The following SUSD4 variants were observed in gnomAD, a reference collection of about 807,000 sequenced individuals.
SUSD4 encodes sushi domain containing 4.
A neutral mutation model predicts 50.5 loss-of-function variants in SUSD4; 41 were observed. That is an observed-to-expected ratio of 0.81 (90% confidence interval 0.63 to 1.05). The LOEUF is 1.05. Among genes scored for constraint, SUSD4 ranks in the 50% least tolerant of loss-of-function variants. The pLI is 0.00. For missense variants in SUSD4, 580 were observed against 634.7 expected, an observed-to-expected ratio of 0.91 and a Z score of 0.93; for synonymous variants, 257 against 257.3, an observed-to-expected ratio of 1.00 and a Z score of 0.01.
chr1:223,286,769 C>A (rs1481750694), intron 3 of SUSD4, among the ~76,000 whole-genome samples: 3 of 152,186 alleles, frequency 2.0e-5, no homozygotes, highest in African/African-American at 7.2e-5. Context: ...CTGGGGCTGG[C>A]CATCAGATGT....
At chr1:223,270,447 CTGAGGACACCTG>C (rs371830329) in intron 3 of SUSD4, among the ~76,000 whole-genome samples, 102 of 152,364 alleles carry the variant, frequency 6.7e-4, no homozygotes, top group Non-Finnish European at 1.1e-3. Flanking sequence ...TCAGCCTTCC[CTGAGGACACCTG>C]TCATCAGGTC....
intron 3 of SUSD4, among the ~76,000 whole-genome samples, chr1:223,280,394 C>G (rs375448308): frequency 1.5e-5 from 2 of 137,668 alleles, no homozygotes; most frequent in South Asian, 4.6e-4. Context: ...GGAGGAAGAT[C>G]TACCAAGCGA....
At chr1:223,239,426 C>A (rs1035200996) in intron 5 of SUSD4, among the ~76,000 whole-genome samples, 3 of 152,030 alleles carry the variant, frequency 2.0e-5, no homozygotes, top group African/African-American at 7.2e-5. Flanking sequence ...TTGTTATCTT[C>A]CACTTTTTCA....
chr1:223,351,435 T>C lies in SUSD4; in HGVS notation c.148+11843A>G, dbSNP rs1259685566. 3.9e-5 allele frequency among the ~76,000 whole-genome samples: 6 copies of C among 152,226 alleles called. No homozygotes were observed. In the East Asian group the frequency reaches 1.2e-3, roughly 29 times the overall value. ...AGAGCAAAAGGCTCCATGCAAACCC[T>C]GGCCCAGACCATCTCCTAGGCTCTC... On this transcript the variant is annotated intron_variant, in intron 2 of 8. Coordinates refer to ENST00000366878, the MANE Select transcript of SUSD4 (RefSeq NM_017982.4).
At chr1:223,235,179 C>T in intron 5 of SUSD4, 1 of 1,412,874 alleles carries the variant, frequency 7.1e-7, no homozygotes, top group Non-Finnish European at 9.5e-7. Flanking sequence ...AAGCCCTTTT[C>T]TTTCTAAAAA....
intron 5 of SUSD4, among the ~76,000 whole-genome samples, chr1:223,250,815 G>C (rs1018567213): frequency 6.6e-6 from 1 of 152,208 alleles, no homozygotes; most frequent in Admixed American, 6.5e-5. Context: ...TACCGGGCTA[G>C]AGGCAAGGTT....
At chr1:223,338,483 C>T (rs1275325572) in intron 2 of SUSD4, among the ~76,000 whole-genome samples, 1 of 152,184 alleles carries the variant, frequency 6.6e-6, no homozygotes, top group Non-Finnish European at 1.5e-5. Context: ...TTCTATCTCC[C>T]CCTGCAGCAA....
chr1:223,299,163 G>A (rs763477528), intron 2 of SUSD4, among the ~76,000 whole-genome samples: 3 of 152,214 alleles, frequency 2.0e-5, no homozygotes, highest in African/African-American at 4.8e-5. Flanking sequence ...CTGAAGAGCT[G>A]TTCTGTTAGT....
intron 3 of SUSD4, among the ~76,000 whole-genome samples, chr1:223,286,687 G>A (rs556575450): frequency 1.3e-5 from 2 of 152,330 alleles, no homozygotes; most frequent in African/African-American, 2.4e-5. Flanking sequence ...AGCTGCCATC[G>A]GGCCTCCCTT....
intron 3 of SUSD4, among the ~76,000 whole-genome samples, chr1:223,291,579 T>A (rs1403624054): frequency 1.3e-5 from 2 of 151,638 alleles, no homozygotes; most frequent in South Asian, 4.2e-4. Context: ...GACAATAGTT[T>A]CCATATTATT....
chr1:223,359,255 A>T (rs1668834728), intron 2 of SUSD4: 3 of 410,978 alleles, frequency 7.3e-6, no homozygotes. Context: ...CTTTTACAAT[A>T]AGGTTCTAAC....
intron 2 of SUSD4, among the ~76,000 whole-genome samples, chr1:223,326,007 T>G (rs1666854528): frequency 6.6e-6 from 1 of 152,106 alleles, no homozygotes; most frequent in Non-Finnish European, 1.5e-5. Flanking sequence ...TTTCACAGAA[T>G]TAGAAAAAAC....
intron 2 of SUSD4, among the ~76,000 whole-genome samples, chr1:223,317,679 T>C (rs908577376): frequency 1.3e-5 from 2 of 152,080 alleles, no homozygotes; most frequent in Non-Finnish European, 2.9e-5. Context: ...TGCCAACAGT[T>C]CATATTTCTC....
intron 2 of SUSD4, among the ~76,000 whole-genome samples, chr1:223,293,656 T>C (rs554048767): frequency 3.9e-5 from 6 of 152,108 alleles, no homozygotes; most frequent in Admixed American, 6.6e-5. Context: ...TCTGGGACAC[T>C]TGGATTCTAG....
intron 3 of SUSD4, among the ~76,000 whole-genome samples, chr1:223,271,334 T>C (rs539169442): frequency 1.3e-5 from 2 of 152,294 alleles, no homozygotes; most frequent in Admixed American, 6.5e-5. Flanking sequence ...CAGCATAGTG[T>C]TGTGTAATGT....
intron 3 of SUSD4, among the ~76,000 whole-genome samples, chr1:223,276,982 C>T (rs1463591684): frequency 6.6e-6 from 1 of 152,170 alleles, no homozygotes; most frequent in African/African-American, 2.4e-5. Context: ...TAGAAGACAG[C>T]TCACTTAACA....
chr1:223,345,066 T>C (rs369923665), intron 2 of SUSD4, among the ~76,000 whole-genome samples: 1 of 152,224 alleles, frequency 6.6e-6, no homozygotes, highest in African/African-American at 2.4e-5. Context: ...ATATACACTA[T>C]TCCTGTCACA....
intron 2 of SUSD4, among the ~76,000 whole-genome samples, chr1:223,347,765 C>T (rs1483078298): frequency 1.4e-5 from 1 of 72,214 alleles, no homozygotes; most frequent in Non-Finnish European, 3.0e-5. Flanking sequence ...CTGAGTCATA[C>T]CTACTGTAAA....
chr1:223,329,150 C>T (rs1477983305), intron 2 of SUSD4, among the ~76,000 whole-genome samples: 1 of 152,130 alleles, frequency 6.6e-6, no homozygotes, highest in Non-Finnish European at 1.5e-5. Flanking sequence ...CACTTTAATT[C>T]ACAGCTTTAT....
Sources: allele counts gnomAD v4.1 joint callset (sites outside exome capture counted in the v4.1 genomes callset), GRCh38; gene constraint gnomAD v4.1.1; transcripts MANE v1.5; gene names NCBI Gene and HGNC (gene_info 2026-07-23, HGNC 2026-07-21).